The following NOX3 variants were observed in gnomAD, a reference collection of about 807,000 sequenced individuals.
NOX3 encodes NADPH oxidase catalytic subunit-like 3.
In NOX3, 74 loss-of-function variants were observed where a neutral mutation model predicts 76.7. That is an observed-to-expected ratio of 0.96 (90% CI 0.80 to 1.17). The LOEUF (loss-of-function observed/expected upper bound fraction) is 1.17, where lower values mean the gene tolerates loss of function less well. NOX3 is among the 50% of genes most tolerant of loss of function. The pLI is 0.00. For synonymous variants in NOX3, 263 were observed against 261.1 expected, an observed-to-expected ratio of 1.01 and a Z score of -0.07; for missense variants, 695 against 703.3, an observed-to-expected ratio of 0.99 and a Z score of 0.13.
chr6:155,432,705 G>A (rs1309392211), intron 7 of NOX3, among the ~76,000 whole-genome samples: 6 of 152,098 alleles, frequency 3.9e-5, no homozygotes, highest in Non-Finnish European at 7.4e-5. Flanking sequence ...AGACCTATGG[G>A]GGCAACACAA....
intron 4 of NOX3, among the ~76,000 whole-genome samples, chr6:155,445,678 A>C (rs1370012340): frequency 6.6e-6 from 1 of 151,568 alleles, no homozygotes; most frequent in Non-Finnish European, 1.5e-5. Flanking sequence ...TTATCCCTGC[A>C]CCCCTGATGA....
chr6:155,448,750 C>G (rs1212101183), intron 4 of NOX3, among the ~76,000 whole-genome samples: 1 of 151,516 alleles, frequency 6.6e-6, no homozygotes, highest in East Asian at 1.9e-4. Flanking sequence ...TCAAAGTGAG[C>G]ATAATTGGGG....
chr6:155,443,639 T>G (rs1777023882), intron 4 of NOX3, among the ~76,000 whole-genome samples: 1 of 152,206 alleles, frequency 6.6e-6, no homozygotes, highest in African/African-American at 2.4e-5. Flanking sequence ...TAAGTTATAT[T>G]AATAAATAAA....
At chr6:155,432,327 A>G (rs1582940482) in intron 7 of NOX3, among the ~76,000 whole-genome samples, 3 of 145,298 alleles carry the variant, frequency 2.1e-5, no homozygotes, top group East Asian at 2.1e-4. Flanking sequence ...CAGGGCCAGA[A>G]CTCAAGCCTT....
chr6:155,451,921 C>G (rs111875928), intron 4 of NOX3, among the ~76,000 whole-genome samples: 1 of 152,174 alleles, frequency 6.6e-6, no homozygotes, highest in Non-Finnish European at 1.5e-5. Flanking sequence ...AACCACCATG[C>G]CCGGCCTCTT....
intron 11 of NOX3, among the ~76,000 whole-genome samples, chr6:155,408,746 T>C (rs893118560): frequency 6.6e-6 from 1 of 152,222 alleles, no homozygotes; most frequent in African/African-American, 2.4e-5. Flanking sequence ...ACGTGTTATA[T>C]ACATACTGTG....
chr6:155,428,835 C>A lies in NOX3; in HGVS notation c.1104G>T (p.Gly368=). ...GCTCCTGGAGGGCCTGTCCCTCTGC[C>A]CCAAAGGCCTCCAGTAGCGCTGCTG... The part of the protein sequence containing the change: ...DWTAALLEAF[G]AEGQALQEPW... The change falls in exon 9 of 14, where the codon GGG becomes GGT. Residue 368 remains glycine (G), a synonymous_variant. Transcript: ENST00000159060. The A allele has an allele frequency of 6.3e-7, 1 of 1,579,992 alleles. No individual in the cohort carries two copies. Among genetic ancestry groups the A allele is most frequent in the Non-Finnish European group, 8.6e-7 (1 of 1,158,406 alleles).
chr6:155,404,131 T>A (rs201255066), intron 12 of NOX3, among the ~76,000 whole-genome samples: 7,188 of 99,364 alleles, frequency 0.072, 422 homozygotes, highest in African/African-American at 0.23. Flanking sequence ...ATATATATTT[T>A]TTTTTTCCCA....
chr6:155,395,627 A>G (rs1275589448), intron 13 of NOX3, 53 bp from the exon 14 acceptor site: 1 of 152,226 alleles, frequency 6.6e-6, no homozygotes, highest in Admixed American at 6.5e-5. Flanking sequence ...ATTACAAGCT[A>G]CATACCAGTA....
chr6:155,403,821 C>T (rs1227951805), intron 12 of NOX3, among the ~76,000 whole-genome samples: 5 of 152,098 alleles, frequency 3.3e-5, no homozygotes, highest in Non-Finnish European at 5.9e-5. Flanking sequence ...CTTGATGCTC[C>T]GTGTTCCTGG....
intron 10 of NOX3, among the ~76,000 whole-genome samples, chr6:155,418,409 G>A (rs1304614217): frequency 2.0e-5 from 3 of 152,126 alleles, no homozygotes; most frequent in African/African-American, 7.2e-5. Flanking sequence ...GGGGCACAGC[G>A]TTCTCAGCTG....
intron 7 of NOX3, among the ~76,000 whole-genome samples, chr6:155,435,365 G>A (rs747232490): frequency 3.9e-5 from 6 of 152,132 alleles, no homozygotes; most frequent in Non-Finnish European, 7.3e-5. Context: ...AGGTTGGATA[G>A]TGGCTACTGA....
At chr6:155,449,019 G>C (rs573745226) in intron 4 of NOX3, among the ~76,000 whole-genome samples, 2 of 152,298 alleles carry the variant, frequency 1.3e-5, no homozygotes, top group South Asian at 2.1e-4. Context: ...TGTCAGGCAG[G>C]GCTGGGGATG....
At position 155,440,096 on chromosome 6, in the gene NOX3, G is replaced by C. The variant is rs771915448; in HGVS notation, c.528C>G (p.Thr176=). The C allele has an allele frequency of 1.2e-6, 2 of 1,613,122 alleles. No individual in the cohort carries two copies. The highest frequency in any genetic ancestry group is 1.7e-5 in the Admixed American group (1 of 59,940). Residue 176 remains threonine (T), a synonymous_variant, in exon 6 of 14, where the codon ACC becomes ACG. Coordinates refer to ENST00000159060, the MANE Select transcript of NOX3 (RefSeq NM_015718.3). The part of the protein sequence containing the change: ...TELLRTIAGV[T]GLVISLALVL... ...CTAAAGCCAGAGAGATCACCAGACC[G>C]GTGACGCCTGCTATTGTCCTTAGCA...
At chr6:155,415,061 C>A (rs1776607155) in intron 10 of NOX3, among the ~76,000 whole-genome samples, 1 of 152,278 alleles carries the variant, frequency 6.6e-6, no homozygotes, top group Middle Eastern at 3.4e-3. Flanking sequence ...CGCTAATGAT[C>A]AGCCCAAACT....
chr6:155,432,978 G>A (rs1473899595), intron 7 of NOX3, among the ~76,000 whole-genome samples: 1 of 152,162 alleles, frequency 6.6e-6, no homozygotes, highest in African/African-American at 2.4e-5. Context: ...GAGCAAGAAT[G>A]CAGTTCTTTC....
chr6:155,425,556 T>C (rs539301507), intron 9 of NOX3, among the ~76,000 whole-genome samples: 1 of 152,206 alleles, frequency 6.6e-6, no homozygotes, highest in Non-Finnish European at 1.5e-5. Context: ...CTGTGGTAGG[T>C]GACCATTCTT....
rs140214056 is a variant in NOX3 at position 155,431,413 on chromosome 6, A to AAAAC, written c.799-479_799-478insGTTT. On this transcript the variant is annotated intron_variant, in intron 7 of 13. Coordinates refer to ENST00000159060, the MANE Select transcript of NOX3 (RefSeq NM_015718.3). ...CAGGGTCTGCCTGAATAAACACAGA[A>AAAAC]ACACACACACACACACACACACACA... Among the ~76,000 whole-genome samples, 1,422 of 144,718 alleles carry AAAAC rather than the reference A, an allele frequency of 9.8e-3. 25 individuals carry two copies. Among genetic ancestry groups the AAAAC allele is most frequent in the African/African-American group, 0.035 (1,348 of 38,810 alleles). The allele number at this position is 144,718 out of a possible 152,430, so 94.9% of individuals were successfully genotyped here. A position where few individuals can be genotyped will look rare whatever the true frequency, so the allele number is the denominator to read the frequency against.
At chr6:155,404,751 T>C (rs1177650513) in intron 12 of NOX3, among the ~76,000 whole-genome samples, 1 of 152,144 alleles carries the variant, frequency 6.6e-6, no homozygotes, top group Non-Finnish European at 1.5e-5. Context: ...CCTGTTTCTC[T>C]ACAGGTTGCT....
Sources: allele counts gnomAD v4.1 joint callset (sites outside exome capture counted in the v4.1 genomes callset), GRCh38; gene constraint gnomAD v4.1.1; transcripts MANE v1.5; gene names NCBI Gene and HGNC (gene_info 2026-07-23, HGNC 2026-07-21).